RPA3: variants seen among roughly 807,000 people sequenced by gnomAD.
RPA3 encodes the protein replication protein A3, also known as replication protein A 14 kDa subunit.
RPA3 carries 24 observed loss-of-function variants against 13.7 expected under a neutral mutation model. The observed-to-expected ratio is 1.75, with a 90% CI of 1.27 to 2.46. RPA3 has a LOEUF of 2.46. RPA3 is among the 30% of genes most tolerant of loss of function. RPA3 has a pLI of 0.00. For missense variants in RPA3, 183 were observed against 151.0 expected (o/e 1.21, Z -1.11); for synonymous variants, 59 against 51.2 (o/e 1.15, Z -0.65).
chr7:7,710,443 A>G (rs1361018126), intron 2 of RPA3, among the ~76,000 whole-genome samples: 1 of 152,234 alleles, frequency 6.6e-6, no homozygotes, highest in Non-Finnish European at 1.5e-5. Flanking sequence ...GAGGATATAC[A>G]TATGGCAAAT....
At chr7:7,653,591 A>G (rs1050423628) in intron 4 of RPA3, among the ~76,000 whole-genome samples, 5 of 152,222 alleles carry the variant, frequency 3.3e-5, no homozygotes, top group Admixed American at 3.3e-4. Context: ...AGGAGTTACA[A>G]CACATTTTTT....
chr7:7,672,978 G>T (rs532941114), intron 4 of RPA3, among the ~76,000 whole-genome samples: 1 of 152,148 alleles, frequency 6.6e-6, no homozygotes, highest in South Asian at 2.1e-4. Context: ...ACCCAAACCA[G>T]TGTCTGTTTT....
At chr7:7,702,694 TTA>T (rs1780490162) in intron 2 of RPA3, among the ~76,000 whole-genome samples, 1 of 152,236 alleles carries the variant, frequency 6.6e-6, no homozygotes, top group African/African-American at 2.4e-5. Flanking sequence ...AAATTGAATC[TTA>T]CTTTTCCACT....
At chr7:7,642,001 A>C (rs930636341) in intron 4 of RPA3, among the ~76,000 whole-genome samples, 1 of 152,216 alleles carries the variant, frequency 6.6e-6, no homozygotes, top group African/African-American at 2.4e-5. Context: ...GGTGTATAAA[A>C]AAGTTGTGGT....
chr7:7,669,222 C>A (rs1174599357), intron 4 of RPA3, among the ~76,000 whole-genome samples: 1 of 152,036 alleles, frequency 6.6e-6, no homozygotes, highest in Non-Finnish European at 1.5e-5. Context: ...TGGAACATGT[C>A]CCCCATGGAT....
At chr7:7,653,554 G>C (rs1264742815) in intron 4 of RPA3, among the ~76,000 whole-genome samples, 1 of 152,156 alleles carries the variant, frequency 6.6e-6, no homozygotes, top group Non-Finnish European at 1.5e-5. Context: ...AGTGCATCAC[G>C]CACTAGGTGA....
At chr7:7,677,884 G>C (rs1013249550) in intron 4 of RPA3, among the ~76,000 whole-genome samples, 1 of 150,982 alleles carries the variant, frequency 6.6e-6, no homozygotes, top group Non-Finnish European at 1.5e-5. Flanking sequence ...CGTTTTAGCC[G>C]GGATGGTCTC....
At position 7,716,460 on chromosome 7, in the gene RPA3, G is replaced by A. The variant is rs180762779; in HGVS notation, c.-1079-1234C>T. On this transcript the variant is annotated intron_variant, in intron 1 of 7. Coordinates refer to ENST00000223129, the MANE Select transcript of RPA3 (RefSeq NM_002947.5). ...CCTGAAAGATCGAGCTGCAGACATA[G>A]ATAAGCAAGCTGGAAGCTTGCACAG... Among the ~76,000 whole-genome samples, 47 of 152,326 alleles carry A rather than the reference G, an allele frequency of 3.1e-4. No homozygotes were observed. The East Asian group carries it at 8.9e-3, about 29-fold the overall frequency.
chr7:7,653,180 T>C (rs1785266689), intron 4 of RPA3, among the ~76,000 whole-genome samples: 1 of 152,216 alleles, frequency 6.6e-6, no homozygotes, highest in Non-Finnish European at 1.5e-5. Flanking sequence ...CCAAATGAAG[T>C]TGCTTCAGAA....
At chr7:7,717,888 A>C (rs1041381117) in intron 1 of RPA3, among the ~76,000 whole-genome samples, 1 of 152,232 alleles carries the variant, frequency 6.6e-6, no homozygotes, top group African/African-American at 2.4e-5. Context: ...ATGTCATGTG[A>C]AAATCTGTTT....
chr7:7,661,692 G>T (rs1785478182), intron 4 of RPA3, among the ~76,000 whole-genome samples: 1 of 152,202 alleles, frequency 6.6e-6, no homozygotes, highest in Non-Finnish European at 1.5e-5. Context: ...TTGTCCCAGA[G>T]GGGCACCCAC....
intron 4 of RPA3, among the ~76,000 whole-genome samples, chr7:7,662,374 C>G (rs1349383776): frequency 1.3e-5 from 2 of 152,130 alleles, no homozygotes; most frequent in African/African-American, 4.8e-5. Context: ...AGAAAACACT[C>G]CTGCAGCTAG....
intron 2 of RPA3, among the ~76,000 whole-genome samples, chr7:7,691,891 C>G (rs1780180335): frequency 6.6e-6 from 1 of 152,146 alleles, no homozygotes; most frequent in African/African-American, 2.4e-5. Flanking sequence ...GCTAGTAGCT[C>G]AGTTTAGCCT....
At chr7:7,678,366 A>G (rs534350439) in intron 4 of RPA3, among the ~76,000 whole-genome samples, 1 of 148,698 alleles carries the variant, frequency 6.7e-6, no homozygotes, top group Non-Finnish European at 1.5e-5. Context: ...TAATATGCCT[A>G]TTGGTCATTT....
intron 7 of RPA3, 81 bp from the exon 8 acceptor site, chr7:7,637,163 T>C (rs944649569): frequency 9.8e-7 from 1 of 1,025,324 alleles, no homozygotes; most frequent in Non-Finnish European, 1.5e-6. Flanking sequence ...TTTTTACCTA[T>C]TTCCTTTTTC....
chr7:7,712,965 C>G (rs540444463), intron 2 of RPA3, among the ~76,000 whole-genome samples: 1 of 151,904 alleles, frequency 6.6e-6, no homozygotes, highest in Non-Finnish European at 1.5e-5. Context: ...TTTTATGTAC[C>G]GAATGAATTT....
chr7:7,663,303 A>T (rs13223996), intron 4 of RPA3, among the ~76,000 whole-genome samples: 1 of 76,314 alleles, frequency 1.3e-5, no homozygotes, highest in Non-Finnish European at 2.8e-5. Flanking sequence ...TTTTTCTTTC[A>T]TTTTTTAAAA....
At chr7:7,677,646 C>G (rs1270120073) in intron 4 of RPA3, among the ~76,000 whole-genome samples, 1 of 145,026 alleles carries the variant, frequency 6.9e-6, no homozygotes, top group Non-Finnish European at 1.5e-5. Flanking sequence ...TTTTCTTTAT[C>G]TATTCATCTG....
chr7:7,691,594 G>T lies in RPA3; in HGVS notation c.-1027-4266C>A, dbSNP rs568339512. Among the ~76,000 whole-genome samples the T allele has an allele frequency of 6.4e-4, 97 of 152,332 alleles. 1 individual carries two copies. The highest frequency in any genetic ancestry group is 8.1e-4 in the Non-Finnish European group (55 of 68,032). ...TTTCTTTCTCATCTTACGCATTTCA[G>T]ATCATTTTGCTGGGGCATAGATTCT... On this transcript the variant is annotated intron_variant, in intron 2 of 7. Transcript: ENST00000223129.
Sources: gnomAD v4.1 joint callset for allele counts (sites outside exome capture counted in the v4.1 genomes callset) on GRCh38, gnomAD v4.1.1 for gene constraint, MANE v1.5 for transcripts, NCBI Gene and HGNC (gene_info 2026-07-23, HGNC 2026-07-21) for gene names.